CNBD1: variants seen among roughly 807,000 people sequenced by gnomAD.
The protein encoded by CNBD1 is cyclic nucleotide binding domain containing 1, also known as cyclic nucleotide-binding domain-containing protein 1.
Under a neutral mutation model 54.4 loss-of-function variants are expected in CNBD1, and 71 were observed. That is an observed-to-expected ratio of 1.30 (90% CI 1.08 to 1.59). The LOEUF (loss-of-function observed/expected upper bound fraction) is 1.59, where lower values mean the gene tolerates loss of function less well. CNBD1 is among the 40% of genes most tolerant of loss of function. CNBD1 has a pLI of 0.00. For missense variants in CNBD1, 659 were observed against 518.0 expected, an observed-to-expected ratio of 1.27 and a Z score of -2.64; for synonymous variants, 182 against 170.7, an observed-to-expected ratio of 1.07 and a Z score of -0.51.
intron 4 of CNBD1, among the ~76,000 whole-genome samples, chr8:86,972,346 A>G (rs1023576964): frequency 1.3e-5 from 2 of 152,188 alleles, no homozygotes; most frequent in Non-Finnish European, 2.9e-5. Context: ...CTAGTGATTT[A>G]CCATATTGTG....
intron 4 of CNBD1, among the ~76,000 whole-genome samples, chr8:87,063,246 T>A (rs1186488692): frequency 6.6e-6 from 1 of 152,198 alleles, no homozygotes; most frequent in Non-Finnish European, 1.5e-5. Flanking sequence ...TTCAAGCACA[T>A]TTACACCTGT....
At chr8:87,392,961 A>G (rs1811338934) in intron 2 of CNBD1, among the ~76,000 whole-genome samples, 1 of 151,974 alleles carries the variant, frequency 6.6e-6, no homozygotes. Context: ...GTTTTTATTT[A>G]TAAAAAGAGA....
intron 8 of CNBD1, among the ~76,000 whole-genome samples, chr8:87,321,896 G>A (rs540074681): frequency 6.7e-6 from 1 of 148,202 alleles, no homozygotes; most frequent in South Asian, 2.1e-4. Flanking sequence ...CTGGTGTGCT[G>A]CACCCACCAC....
intron 10 of CNBD1, among the ~76,000 whole-genome samples, chr8:87,362,005 CTTTG>C (rs1290303998): frequency 1.3e-5 from 2 of 152,174 alleles, no homozygotes; most frequent in South Asian, 2.1e-4. Flanking sequence ...ATCCTGGCTT[CTTTG>C]TTTAAGAATG....
chr8:87,376,989 G>A (rs1433886806), intron 10 of CNBD1, among the ~76,000 whole-genome samples: 3 of 145,340 alleles, frequency 2.1e-5, no homozygotes, highest in Non-Finnish European at 4.6e-5. Flanking sequence ...AATACTAAGT[G>A]TTGATATTTG....
At chr8:87,190,369 C>T (rs976351813) in intron 4 of CNBD1, among the ~76,000 whole-genome samples, 3 of 152,098 alleles carry the variant, frequency 2.0e-5, no homozygotes, top group African/African-American at 7.2e-5. Flanking sequence ...CAGCTGATGA[C>T]CTAAATTTTC....
intron 2 of CNBD1, among the ~76,000 whole-genome samples, chr8:87,419,107 A>AAT (rs146745104): frequency 5.9e-5 from 9 of 151,278 alleles, no homozygotes; most frequent in South Asian, 4.1e-4. Context: ...ATGTATATAT[A>AAT]TATTCATTCA....
intron 4 of CNBD1, among the ~76,000 whole-genome samples, chr8:87,184,945 A>G (rs1364144758): frequency 1.3e-5 from 2 of 152,142 alleles, no homozygotes; most frequent in Non-Finnish European, 2.9e-5. Context: ...TTTATTTTAA[A>G]GTATTTTAAA....
chr8:87,239,660 G>C lies in CNBD1; in HGVS notation c.771+2548G>C, dbSNP rs1343388238. The stretch of plus-strand genomic sequence containing the variant: ...CATTTGAGTATAACAAACATAAGGT[G>C]AAAAACATCTAATCCAAGGATCAAA... On this transcript the variant is annotated intron_variant, in intron 6 of 10. Coordinates refer to ENST00000518476, the MANE Select transcript of CNBD1 (RefSeq NM_173538.3). Among the ~76,000 whole-genome samples the C allele has an allele frequency of 2.6e-5, 4 of 152,234 alleles. No individual in the cohort carries two copies. In the East Asian group the frequency reaches 7.7e-4, roughly 29 times the overall value.
In CNBD1 at chr8:87,192,672, A is replaced by C. The variant is rs186825812; in HGVS notation, c.432-13321A>C. 2.8e-4 allele frequency among the ~76,000 whole-genome samples: 42 copies of C among 152,312 alleles called. 1 individual carries two copies. In the East Asian group the frequency reaches 7.1e-3, roughly 26 times the overall value. On this transcript the variant is annotated intron_variant, in intron 4 of 10. Transcript: ENST00000518476. ...GAGTAACCAACTAATTAAAATTAGT[A>C]TGCATGTTGAAAACCTTGGATTCCC...
intron 4 of CNBD1, among the ~76,000 whole-genome samples, chr8:87,178,282 G>C (rs1257085915): frequency 6.6e-6 from 1 of 152,160 alleles, no homozygotes; most frequent in African/African-American, 2.4e-5. Context: ...GACAAGAGTA[G>C]AGGTGGATAA....
intron 4 of CNBD1, among the ~76,000 whole-genome samples, chr8:87,027,080 G>GC (rs1809663845): frequency 6.6e-6 from 1 of 151,892 alleles, no homozygotes; most frequent in Admixed American, 6.6e-5. Context: ...ACTTATGAGT[G>GC]CTTTTTTTTT....
intron 2 of CNBD1, among the ~76,000 whole-genome samples, chr8:87,407,705 T>A (rs1807674506): frequency 6.6e-6 from 1 of 152,046 alleles, no homozygotes; most frequent in Non-Finnish European, 1.5e-5. Flanking sequence ...GATAAGTAGG[T>A]AACCCTATCT....
At chr8:87,422,391 G>A (rs1371330596) in intron 2 of CNBD1, among the ~76,000 whole-genome samples, 4 of 98,536 alleles carry the variant, frequency 4.1e-5, no homozygotes, top group Admixed American at 8.6e-5. Flanking sequence ...TTTCTTCCAG[G>A]GTTTTTATGG....
chr8:87,353,837 CTTAAATTTT>C (rs1392100430), intron 10 of CNBD1, 51 bp downstream of exon 10: 1 of 1,432,404 alleles, frequency 7.0e-7, no homozygotes, highest in African/African-American at 1.4e-5. Flanking sequence ...TGGATGAGTT[CTTAAATTTT>C]TTAAATTTTT....
intron 5 of CNBD1, among the ~76,000 whole-genome samples, chr8:87,222,395 G>T (rs944418147): frequency 1.3e-5 from 2 of 152,146 alleles, no homozygotes; most frequent in Admixed American, 1.3e-4. Flanking sequence ...CTCTCAAGAG[G>T]TTACAGTCTA....
chr8:86,945,739 A>G (rs1187264738), intron 4 of CNBD1, among the ~76,000 whole-genome samples: 2 of 152,220 alleles, frequency 1.3e-5, no homozygotes, highest in Admixed American at 1.3e-4. Context: ...ACAAATGGTG[A>G]TCATTTATGA....
intron 8 of CNBD1, among the ~76,000 whole-genome samples, chr8:87,331,912 GT>G (rs1329683697): frequency 6.6e-6 from 1 of 151,890 alleles, no homozygotes; most frequent in African/African-American, 2.4e-5. Flanking sequence ...ATGGGGTTTT[GT>G]TTTTTTCTTG....
intron 5 of CNBD1, among the ~76,000 whole-genome samples, chr8:87,230,410 C>A (rs1208053259): frequency 6.6e-6 from 1 of 152,110 alleles, no homozygotes; most frequent in African/African-American, 2.4e-5. Flanking sequence ...ATATATTTAT[C>A]TATATATACA....
Sources: allele counts gnomAD v4.1 joint callset (sites outside exome capture counted in the v4.1 genomes callset), GRCh38; gene constraint gnomAD v4.1.1; transcripts MANE v1.5; gene names NCBI Gene and HGNC (gene_info 2026-07-23, HGNC 2026-07-21).